AXIN1: variants seen among roughly 807,000 people sequenced by gnomAD.
AXIN1 encodes the protein axin-1.
In AXIN1, 30 loss-of-function variants were observed where a neutral mutation model predicts 76.4. The observed-to-expected ratio is 0.39, with a 90% CI of 0.29 to 0.53. The LOEUF (loss-of-function observed/expected upper bound fraction) is 0.53, where lower values mean the gene tolerates loss of function less well. Ranked by LOEUF, AXIN1 falls within the 20% of genes least tolerant of loss-of-function variation. The pLI, the probability that AXIN1 is intolerant of heterozygous loss-of-function variation, is 0.66. For synonymous variants in AXIN1, 545 were observed against 501.4 expected (o/e 1.09, Z -1.16); for missense variants, 1,140 against 1,198.8 (o/e 0.95, Z 0.72).
intron 8 of AXIN1, chr16:292,912 C>A (rs56139816): frequency 0.011 from 1,264 of 120,182 alleles, 24 homozygotes; most frequent in African/African-American, 0.05. Flanking sequence ...CTGGACGTCC[C>A]GGATGAGAGA....
At chr16:326,512 G>GCCA (rs1234155731) in intron 2 of AXIN1, among the ~76,000 whole-genome samples, 1 of 150,522 alleles carries the variant, frequency 6.6e-6, no homozygotes, top group Non-Finnish European at 1.5e-5. Context: ...ACCATGGGAG[G>GCCA]CCAAGGCGGG....
At chr16:312,012 G>A (rs147660186) in intron 3 of AXIN1, among the ~76,000 whole-genome samples, 7 of 152,326 alleles carry the variant, frequency 4.6e-5, no homozygotes, top group Middle Eastern at 3.4e-3. Flanking sequence ...CACGGTGGGC[G>A]TCAGGAACAA....
intron 2 of AXIN1, among the ~76,000 whole-genome samples, chr16:325,579 G>A (rs2053563222): frequency 6.6e-6 from 1 of 152,238 alleles, no homozygotes; most frequent in African/African-American, 2.4e-5. Context: ...ACCTGGTCAA[G>A]GGCGCCCAGA....
intron 2 of AXIN1, among the ~76,000 whole-genome samples, chr16:320,832 T>TGGGTACAACCTCCGCCTCCC (rs1198843706): frequency 2.0e-4 from 30 of 149,554 alleles, no homozygotes; most frequent in Non-Finnish European, 3.0e-4. Context: ...CTCCGCCTCC[T>TGGGTACAACCTCCGCCTCCC]GGGTTCAATC....
At chr16:325,841 C>T (rs996091985) in intron 2 of AXIN1, among the ~76,000 whole-genome samples, 1 of 152,158 alleles carries the variant, frequency 6.6e-6, no homozygotes, top group African/African-American at 2.4e-5. Context: ...CTGGGAGAAG[C>T]AGGACAAGCA....
chr16:334,726 G>A lies in AXIN1; in HGVS notation c.878+11422C>T, dbSNP rs111253425. ...CAATAACATAGCACCCAGTACCACA[G>A]CATGCCAATAACACAGCACCTAGTA... On this transcript the variant is annotated intron_variant, in intron 2 of 10. Transcript: ENST00000262320. Among the ~76,000 whole-genome samples the A allele has an allele frequency of 5.2e-3, 779 of 151,254 alleles. 9 individuals carry two copies. The highest frequency in any genetic ancestry group is 0.017 in the African/African-American group (711 of 41,016).
chr16:344,411 T>C (rs1157257688), intron 2 of AXIN1, among the ~76,000 whole-genome samples: 4 of 128,108 alleles, frequency 3.1e-5, no homozygotes, highest in Non-Finnish European at 4.9e-5. Context: ...GCCTGGGCGA[T>C]AGAGCAAGAC....
At chr16:344,429 CAAAA>C (rs71139776) in intron 2 of AXIN1, among the ~76,000 whole-genome samples, 3 of 117,464 alleles carry the variant, frequency 2.6e-5, no homozygotes, top group African/African-American at 6.6e-5. Flanking sequence ...GACTCCATCT[CAAAA>C]AAAAAAAAAA....
chr16:289,711 G>A, intron 9 of AXIN1, 104 bp from the exon 10 acceptor site: 1 of 1,451,296 alleles, frequency 6.9e-7, no homozygotes, highest in South Asian at 1.2e-5. Context: ...CAGGCCTGCA[G>A]GGGTGAGCAG....
Position 287,827 on chromosome 16 carries a change from TGG to T in AXIN1, c.*293_*294del. The T allele has an allele frequency of 2.0e-6, 1 of 492,564 alleles. No individual in the cohort carries two copies. The highest frequency in any genetic ancestry group is 3.7e-6 in the Non-Finnish European group (1 of 269,048). The allele number at this position is 492,564 out of a possible 1,614,324, so 30.5% of individuals were successfully genotyped here. On this transcript the variant is annotated 3_prime_UTR_variant, in exon 11 of 11. Transcript: ENST00000262320. ...CGTGCCCAAGGGAGGTGCCGGGGGATGGGGGGGGGTCACCTGAAGCTGGCAGC... is the reference window on the plus strand; with the variant it reads ...CGTGCCCAAGGGAGGTGCCGGGGGATGGGGGGGTCACCTGAAGCTGGCAGC...
chr16:289,684 GC>G, intron 9 of AXIN1, 77 bp from the exon 10 acceptor site: 1 of 1,578,188 alleles, frequency 6.3e-7, no homozygotes, highest in Non-Finnish European at 8.6e-7. Flanking sequence ...GCCTCAGGCT[GC>G]CAGTGTAAGG....
chr16:291,270 T>A lies in AXIN1; in HGVS notation c.2214A>T (p.Gly738=), dbSNP rs751829331. 32 of 1,578,020 alleles carry A rather than the reference T, an allele frequency of 2.0e-5. No homozygotes were observed. In the South Asian group the frequency reaches 3.6e-4, roughly 18 times the overall value. ...QRYVQEVMRR[G]RACVRPACAP... is the part of the protein sequence containing the mutation. ...CGCACGCTGGCCTGACGCAGGCGCG[T>A]CCCCGCCGCATAACCTCCTGCACAT... Residue 738 remains glycine (G), a synonymous_variant, in exon 9 of 11, where the codon GGA becomes GGT. Coordinates refer to ENST00000262320, the MANE Select transcript of AXIN1 (RefSeq NM_003502.4).
chr16:288,467 G>C (rs1341336405), intron 10 of AXIN1, among the ~76,000 whole-genome samples: 1 of 152,242 alleles, frequency 6.6e-6, no homozygotes, highest in Non-Finnish European at 1.5e-5. Context: ...TTCACTGCCT[G>C]CTGGGAGCAC....
chr16:341,850 C>T (rs1333329068), intron 2 of AXIN1, among the ~76,000 whole-genome samples: 1 of 152,222 alleles, frequency 6.6e-6, no homozygotes, highest in Non-Finnish European at 1.5e-5. Flanking sequence ...ATGCACCAAT[C>T]GACACTCTGT....
At position 350,644 on chromosome 16, in the gene AXIN1, A is replaced by G. The variant is rs530286493; in HGVS notation, c.-82+1725T>C. On this transcript the variant is annotated intron_variant, in intron 1 of 10. Transcript: ENST00000262320. ...AGCTGTCCATTGATTTAACTCTTGAAGGTTCAGGGCTACTATTTCACATGT... is the reference window on the plus strand; with the variant it reads ...AGCTGTCCATTGATTTAACTCTTGAGGGTTCAGGGCTACTATTTCACATGT... Among the ~76,000 whole-genome samples the G allele has an allele frequency of 3.6e-4, 55 of 152,342 alleles. 1 individual carries two copies. Among genetic ancestry groups the G allele is most frequent in the African/African-American group, 1.2e-3 (50 of 41,588 alleles).
rs904399372 is a variant in AXIN1, at chr16:296,959, C to G, written c.1955+97G>C. ...GAAGTGTGAGGCGTCACAGGCGACA[C>G]TCGCCACACACACTGAAGCTGCACA... On this transcript the variant is annotated intron_variant, in intron 7 of 10. Coordinates refer to ENST00000262320, the MANE Select transcript of AXIN1 (RefSeq NM_003502.4). 22 of 1,438,106 alleles carry G rather than the reference C, an allele frequency of 1.5e-5. No homozygotes were observed. The Admixed American group carries it at 3.5e-4, about 23-fold the overall frequency. The allele number at this position is 1,438,106 out of a possible 1,614,324, so 89.1% of individuals were successfully genotyped here. A position where few individuals can be genotyped will look rare whatever the true frequency, so the allele number is the denominator to read the frequency against.
At chr16:295,722 G>A (rs1210400051) in intron 7 of AXIN1, among the ~76,000 whole-genome samples, 1 of 152,104 alleles carries the variant, frequency 6.6e-6, no homozygotes, top group Non-Finnish European at 1.5e-5. Context: ...AGCACTCCAG[G>A]AGGCCGAGGC....
intron 2 of AXIN1, among the ~76,000 whole-genome samples, chr16:345,149 C>A (rs922701081): frequency 6.6e-6 from 1 of 151,534 alleles, no homozygotes; most frequent in Non-Finnish European, 1.5e-5. Flanking sequence ...GAAGGAAGAA[C>A]GAAGAAACAG....
rs1433038979 is a variant in AXIN1, at chr16:291,222, T to TGGTACCACGTGC, written c.2250_2261dup (p.His751_Pro754dup). On this transcript the variant is annotated inframe_insertion, in exon 9 of 11. Coordinates refer to ENST00000262320, the MANE Select transcript of AXIN1 (RefSeq NM_003502.4). ...CGGAGAGCTCCATGTCCGACACGGC[T>TGGTACCACGTGC]GGTACCACGTGCAGCACCGGCGCGC... 3.8e-6 allele frequency: 6 copies of TGGTACCACGTGC among 1,589,032 alleles called. No individual in the cohort carries two copies. In the African/African-American group the frequency reaches 5.4e-5, roughly 14 times the overall value.
Sources: allele counts gnomAD v4.1 joint callset (sites outside exome capture counted in the v4.1 genomes callset), GRCh38; gene constraint gnomAD v4.1.1; transcripts MANE v1.5; gene names NCBI Gene and HGNC (gene_info 2026-07-23, HGNC 2026-07-21).